Variants in NCEH1 observed in about 807,000 individuals in gnomAD.
NCEH1 encodes neutral cholesterol ester hydrolase 1.
NCEH1 carries 9 observed loss-of-function variants against 25.4 expected under a neutral mutation model. That is an observed-to-expected ratio of 0.35 (90% CI 0.21 to 0.62). The LOEUF is 0.62. Ranked by LOEUF, NCEH1 falls within the 20% of genes least tolerant of loss-of-function variation. NCEH1 has a pLI of 0.72. For synonymous variants in NCEH1, 200 were observed against 199.8 expected, an observed-to-expected ratio of 1.00 and a Z score of -0.01; for missense variants, 412 against 501.1, an observed-to-expected ratio of 0.82 and a Z score of 1.70.
chr3:172,645,185 A>G (rs1717059369), intron 3 of NCEH1, among the ~76,000 whole-genome samples: 1 of 152,160 alleles, frequency 6.6e-6, no homozygotes, highest in Non-Finnish European at 1.5e-5. Context: ...TATTACTACT[A>G]ACCACACCAT....
chr3:172,641,133 G>A (rs1716831174), intron 3 of NCEH1, among the ~76,000 whole-genome samples: 1 of 151,804 alleles, frequency 6.6e-6, no homozygotes, highest in African/African-American at 2.4e-5. Context: ...TAAACTAGAG[G>A]TAAAAAAATA....
At chr3:172,653,544 C>A (rs1004054456) in intron 1 of NCEH1, among the ~76,000 whole-genome samples, 1 of 151,914 alleles carries the variant, frequency 6.6e-6, no homozygotes, top group Non-Finnish European at 1.5e-5. Flanking sequence ...TAAGAAAGGC[C>A]TAGATAAAGG....
At chr3:172,698,078 G>A (rs2108534509) in intron 1 of NCEH1, among the ~76,000 whole-genome samples, 1 of 147,972 alleles carries the variant, frequency 6.8e-6, no homozygotes. Flanking sequence ...CTGGGTTCAA[G>A]CGACTCTCCT....
chr3:172,694,378 A>ATGTGTGTGTGTGTGTGTGTG (rs369794698), intron 1 of NCEH1, among the ~76,000 whole-genome samples: 4 of 151,236 alleles, frequency 2.6e-5, no homozygotes, highest in African/African-American at 9.8e-5. Flanking sequence ...AGTTATATAT[A>ATGTGTGTGTGTGTGTGTGTG]TGTGTGTGTG....
At chr3:172,647,002 G>C (rs1025223167) in intron 2 of NCEH1, among the ~76,000 whole-genome samples, 1 of 151,750 alleles carries the variant, frequency 6.6e-6, no homozygotes, top group Non-Finnish European at 1.5e-5. Context: ...ACATACTCAT[G>C]AACAGCTATT....
intron 1 of NCEH1, among the ~76,000 whole-genome samples, chr3:172,704,504 C>G (rs1166806818): frequency 6.6e-6 from 1 of 152,194 alleles, no homozygotes; most frequent in Non-Finnish European, 1.5e-5. Context: ...GTTTATCATC[C>G]TTCACTTGAC....
intron 1 of NCEH1, among the ~76,000 whole-genome samples, chr3:172,660,408 C>A (rs1377013387): frequency 6.6e-6 from 1 of 152,096 alleles, no homozygotes; most frequent in Non-Finnish European, 1.5e-5. Context: ...CAAGTCTTTG[C>A]TATTGTGAAT....
chr3:172,689,685 TG>T, intron 1 of NCEH1, among the ~76,000 whole-genome samples: 1 of 147,990 alleles, frequency 6.8e-6, no homozygotes. Flanking sequence ...CACTCCAGCC[TG>T]GAGTGACAGC....
chr3:172,644,946 A>C (rs1717047659), intron 3 of NCEH1, among the ~76,000 whole-genome samples: 1 of 152,200 alleles, frequency 6.6e-6, no homozygotes, highest in Non-Finnish European at 1.5e-5. Flanking sequence ...AGGCTTGTCA[A>C]AAAAAGGCTT....
chr3:172,663,711 T>C (rs1276888637), intron 1 of NCEH1, among the ~76,000 whole-genome samples: 1 of 152,210 alleles, frequency 6.6e-6, no homozygotes, highest in African/African-American at 2.4e-5. Context: ...TTTACCATTA[T>C]GTAATGGCCT....
chr3:172,677,865 C>T (rs1252503736), intron 1 of NCEH1, among the ~76,000 whole-genome samples: 4 of 152,306 alleles, frequency 2.6e-5, no homozygotes, highest in Non-Finnish European at 5.9e-5. Flanking sequence ...GAGGCGGAGC[C>T]TGCAGTGAGC....
At chr3:172,675,319 A>AATTAATTAATTAATTAATT (rs1553835588) in intron 1 of NCEH1, among the ~76,000 whole-genome samples, 2 of 141,810 alleles carry the variant, frequency 1.4e-5, no homozygotes, top group African/African-American at 5.8e-5. Flanking sequence ...ATAAATAAAT[A>AATTAATTAATTAATTAATT]AATAAATAAA....
In NCEH1 at chr3:172,701,737, T is replaced by A. The variant is rs191941444; in HGVS notation, c.138+9110A>T. On this transcript the variant is annotated intron_variant, in intron 1 of 4. Coordinates refer to ENST00000475381, the MANE Select transcript of NCEH1 (RefSeq NM_020792.6). ...CCTCAGCCTCCCAAAGTGCTGGGAT[T>A]ACAGTTGTAAGCGACCACGCCTGGC... Among the ~76,000 whole-genome samples the A allele has an allele frequency of 3.3e-3, 503 of 151,868 alleles. 2 individuals carry two copies. The highest frequency in any genetic ancestry group is 0.012 in the African/African-American group (480 of 41,368).
chr3:172,700,814 T>A (rs1228489133), intron 1 of NCEH1, among the ~76,000 whole-genome samples: 1 of 151,896 alleles, frequency 6.6e-6, no homozygotes, highest in Non-Finnish European at 1.5e-5. Flanking sequence ...TTTCTGAACC[T>A]CAAGTTCCCT....
chr3:172,706,171 TA>T (rs1395821523), intron 1 of NCEH1, among the ~76,000 whole-genome samples: 2 of 151,998 alleles, frequency 1.3e-5, no homozygotes, highest in Non-Finnish European at 2.9e-5. Context: ...ATGCCTGGAT[TA>T]AAAAAAGCTT....
At chr3:172,646,126 G>A (rs1717108914) in intron 2 of NCEH1, among the ~76,000 whole-genome samples, 1 of 152,176 alleles carries the variant, frequency 6.6e-6, no homozygotes, top group Admixed American at 6.5e-5. Flanking sequence ...GCTAAGGAAG[G>A]AGATCATTTG....
At position 172,630,980 on chromosome 3, in the gene NCEH1, A is replaced by AT. The variant is rs1289567465; in HGVS notation, c.*2494dup. ...CAGACAATTTTACAAAAAGATTATC[A>AT]TTTTTTTCATAAAATAGGAAAAGAA... is the stretch of plus-strand genomic sequence containing the variant. On this transcript the variant is annotated 3_prime_UTR_variant, in exon 5 of 5. Coordinates refer to ENST00000475381, the MANE Select transcript of NCEH1 (RefSeq NM_020792.6). 2 of 152,006 alleles carry AT rather than the reference A, an allele frequency of 1.3e-5. No individual in the cohort carries two copies. Among genetic ancestry groups the AT allele is most frequent in the Non-Finnish European group, 2.9e-5 (2 of 67,994 alleles). The allele number at this position is 152,006 out of a possible 1,614,324, so 9.4% of individuals were successfully genotyped here.
At position 172,671,145 on chromosome 3, in the gene NCEH1, A is replaced by G. The variant is rs1446016631; in HGVS notation, c.139-23031T>C. Among the ~76,000 whole-genome samples, 5 of 152,182 alleles carry G rather than the reference A, an allele frequency of 3.3e-5. No individual in the cohort carries two copies. In the East Asian group the frequency reaches 7.7e-4, roughly 23 times the overall value. On this transcript the variant is annotated intron_variant, in intron 1 of 4. Transcript: ENST00000475381. The stretch of plus-strand genomic sequence containing the variant: ...TTCAATCTTAGCAAGCAGCTTCTCA[A>G]TTTCACACTTGTGGTAGCTGGATTA...
In NCEH1 at chr3:172,633,118, C is replaced by A; in HGVS notation, c.*357G>T. ...ACTTATTAAAGGTCACTCTATGATC[C>A]AGAGCTGGAAGAACTGCTTCTAAAA... is the stretch of plus-strand genomic sequence containing the variant. On this transcript the variant is annotated 3_prime_UTR_variant, in exon 5 of 5. Coordinates refer to ENST00000475381, the MANE Select transcript of NCEH1 (RefSeq NM_020792.6). 4.1e-6 allele frequency: 1 copy of A among 241,870 alleles called. No individual in the cohort carries two copies. 15.0% of individuals were successfully genotyped at this position (241,870 alleles called of 1,614,324 possible). A position where few individuals can be genotyped will look rare whatever the true frequency, so the allele number is the denominator to read the frequency against.
Sources: gnomAD v4.1 joint callset for allele counts (sites outside exome capture counted in the v4.1 genomes callset) on GRCh38, gnomAD v4.1.1 for gene constraint, MANE v1.5 for transcripts, NCBI Gene and HGNC (gene_info 2026-07-23, HGNC 2026-07-21) for gene names.